ACIN1: variants seen among roughly 807,000 people sequenced by gnomAD.
ACIN1 encodes the protein apoptotic chromatin condensation inducer in the nucleus.
In ACIN1, 16 loss-of-function variants were observed where a neutral mutation model predicts 146.6. That is an observed-to-expected ratio of 0.11 (90% CI 0.07 to 0.17). The LOEUF (loss-of-function observed/expected upper bound fraction) is 0.17, where lower values mean the gene tolerates loss of function less well. Among genes scored for constraint, ACIN1 ranks in the 10% least tolerant of loss-of-function variants. The probability of loss-of-function intolerance (pLI) is 1.00; values close to 1 mark genes in which losing one functional copy is unlikely to be tolerated. For missense variants in ACIN1, 1,357 were observed against 1,609.3 expected (o/e 0.84, Z 2.68); for synonymous variants, 569 against 582.7 (o/e 0.98, Z 0.34).
At chr14:23,062,036 G>T (rs2047308079) in intron 16 of ACIN1, 132 bp downstream of exon 16, 1 of 713,088 alleles carries the variant, frequency 1.4e-6, no homozygotes, top group Non-Finnish European at 2.4e-6. Context: ...ACAATTAAAG[G>T]AACCAAAGCC....
In ACIN1 at chr14:23,062,148, C is replaced by T. The variant is rs763455987; in HGVS notation, c.3099+20G>A. On this transcript the variant is annotated intron_variant, in intron 16 of 18. Transcript: ENST00000605057. ...GGCTTCCCCTGCCCCTCCTCTCTTT[C>T]CTCTCCCTAGGTTTCTTACCTCATC... 6.2e-7 allele frequency: 1 copy of T among 1,604,640 alleles called. No homozygotes were observed. Among genetic ancestry groups the T allele is most frequent in the East Asian group, 2.2e-5 (1 of 44,834 alleles).
intron 9 of ACIN1, 38 bp downstream of exon 9, chr14:23,069,438 C>T: frequency 6.2e-7 from 1 of 1,602,406 alleles, no homozygotes; most frequent in Non-Finnish European, 8.5e-7. Flanking sequence ...TAGGTCCATT[C>T]CTGCCCACCC....
chr14:23,088,163 T>G (rs1213425533), intron 4 of ACIN1, among the ~76,000 whole-genome samples: 1 of 152,232 alleles, frequency 6.6e-6, no homozygotes. Flanking sequence ...AAATTTTTTT[T>G]TGTTTTATGT....
chr14:23,073,530 T>C, intron 8 of ACIN1, among the ~76,000 whole-genome samples: 1 of 152,070 alleles, frequency 6.6e-6, no homozygotes, highest in South Asian at 2.1e-4. Flanking sequence ...TGGTGGTGCA[T>C]GCCTGTAATC....
chr14:23,087,020 T>A (rs2048106250), intron 4 of ACIN1, among the ~76,000 whole-genome samples: 1 of 142,912 alleles, frequency 7.0e-6, no homozygotes, highest in South Asian at 2.3e-4. Flanking sequence ...AACATAGTAA[T>A]ATTAAAACAA....
chr14:23,059,626 A>C lies in ACIN1; in HGVS notation c.3526-152T>G, dbSNP rs546177926. Reference sequence around the variant, plus strand: ...AACAACTGCATCCTGTCTTTCTTAGAGCACCTCTCTCCCTCCTAGTTTCAG... The same window carrying C: ...AACAACTGCATCCTGTCTTTCTTAGCGCACCTCTCTCCCTCCTAGTTTCAG... On this transcript the variant is annotated intron_variant, in intron 18 of 18. Coordinates refer to ENST00000605057, the MANE Select transcript of ACIN1 (RefSeq NM_001386863.1). The C allele has an allele frequency of 6.6e-5, 42 of 633,884 alleles. No homozygotes were observed. In the African/African-American group the frequency reaches 6.9e-4, roughly 10 times the overall value. The allele number at this position is 633,884 out of a possible 1,614,324, so 39.3% of individuals were successfully genotyped here.
intron 4 of ACIN1, among the ~76,000 whole-genome samples, chr14:23,088,702 A>C (rs2048148672): frequency 6.6e-6 from 1 of 152,220 alleles, no homozygotes; most frequent in Non-Finnish European, 1.5e-5. Context: ...GGTTTAACAT[A>C]TGTACTAACA....
At chr14:23,062,714 AG>A (rs2047327091) in intron 14 of ACIN1, 191 bp from the exon 15 acceptor site, 2 of 739,458 alleles carry the variant, frequency 2.7e-6, no homozygotes, top group East Asian at 5.4e-5. Context: ...GTTGTATGTG[AG>A]GCCTTCTGCA....
intron 3 of ACIN1, 143 bp downstream of exon 3, chr14:23,090,379 T>C (rs1406281616): frequency 3.6e-6 from 3 of 829,812 alleles, no homozygotes; most frequent in Non-Finnish European, 5.6e-6. Context: ...AGTAAACCAC[T>C]TGGCTTCATG....
At chr14:23,073,330 G>C (rs1349210969) in intron 8 of ACIN1, among the ~76,000 whole-genome samples, 2 of 152,178 alleles carry the variant, frequency 1.3e-5, no homozygotes, top group African/African-American at 4.8e-5. Flanking sequence ...TGTCATTGTG[G>C]GTACCAAGTG....
chr14:23,071,168 A>G, intron 8 of ACIN1: 3 of 1,551,512 alleles, frequency 1.9e-6, no homozygotes, highest in Non-Finnish European at 1.7e-6. Context: ...CTCCCCCTGG[A>G]AGTGCTGTTT....
chr14:23,066,076 G>T, intron 9 of ACIN1, 68 bp from the exon 10 acceptor site: 1 of 1,303,290 alleles, frequency 7.7e-7, no homozygotes, highest in Non-Finnish European at 1.1e-6. Flanking sequence ...GGGGAAGGAG[G>T]TTAGATGGGG....
In ACIN1 at chr14:23,079,881, G is replaced by A; in HGVS notation, c.1454C>T (p.Thr485Ile). ...AGATGGCTGTTTCAGACATTCTTCAGTGATTCCTTTGGCCAGTGCTAATTC... is the reference window on the plus strand; with the variant it reads ...AGATGGCTGTTTCAGACATTCTTCAATGATTCCTTTGGCCAGTGCTAATTC... ...IEELALAKGI[T>I]EECLKQPSLE... The change falls in exon 6 of 19, where the codon ACT becomes ATT. Residue 485 changes from threonine to isoleucine, a missense_variant. Physicochemically the swap from Thr to Ile is moderately conservative, Grantham distance 89. Transcript: ENST00000605057. The A allele has an allele frequency of 6.2e-7, 1 of 1,614,206 alleles. No individual in the cohort carries two copies. Among genetic ancestry groups the A allele is most frequent in the Non-Finnish European group, 8.5e-7 (1 of 1,180,042 alleles).
In ACIN1 at chr14:23,064,337, T is replaced by C; in HGVS notation, c.2442+18A>G. On this transcript the variant is annotated intron_variant, in intron 11 of 18. Transcript: ENST00000605057. ...TTAACAGGTCTCATCCTCCCTTCCC[T>C]GGCTCCTCCCACCTCACCTTTAGTG... 1 of 1,614,146 alleles carries C rather than the reference T, an allele frequency of 6.2e-7. No individual in the cohort carries two copies. The highest frequency in any genetic ancestry group is 1.1e-5 in the South Asian group (1 of 91,088).
At chr14:23,064,914 A>T (rs988788787) in intron 10 of ACIN1, among the ~76,000 whole-genome samples, 1 of 151,948 alleles carries the variant, frequency 6.6e-6, no homozygotes, top group South Asian at 2.1e-4. Flanking sequence ...AAAAAAGAAA[A>T]GAAATCATAT....
intron 4 of ACIN1, among the ~76,000 whole-genome samples, chr14:23,082,245 TTAC>T (rs1176648071): frequency 3.9e-5 from 6 of 152,184 alleles, no homozygotes; most frequent in Admixed American, 2.6e-4. Context: ...GGATTGCCTA[TTAC>T]TACTACTTTC....
intron 13 of ACIN1, 156 bp downstream of exon 13, chr14:23,063,280 G>T: frequency 8.7e-7 from 1 of 1,147,508 alleles, no homozygotes; most frequent in Non-Finnish European, 1.2e-6. Flanking sequence ...GTCAAATCTG[G>T]CCCTCAAGTA....
In ACIN1 at chr14:23,078,821, C is replaced by G; in HGVS notation, c.2006G>C (p.Arg669Pro). 1 of 1,612,064 alleles carries G rather than the reference C, an allele frequency of 6.2e-7. No individual in the cohort carries two copies. The highest frequency in any genetic ancestry group is 2.2e-5 in the East Asian group (1 of 44,864). The change falls in exon 7 of 19, where the codon CGG (arginine) becomes CCG (proline). Residue 669 changes from arginine (R) to proline (P), a missense_variant and splice_region_variant. Transcript: ENST00000605057. ...KHVTQRLQPERGSPKKCEAEE... is the reference protein window; with the variant it reads ...KHVTQRLQPEPGSPKKCEAEE... ...TAGGGAGGGGTCACAATAGCCTACC[C>G]GCTCAGGCTGTAACCTCTGGGTCAC...
chr14:23,060,789 G>A (rs1346891056), intron 18 of ACIN1, among the ~76,000 whole-genome samples: 1 of 152,224 alleles, frequency 6.6e-6, no homozygotes, highest in African/African-American at 2.4e-5. Flanking sequence ...GGCATTAGAG[G>A]CGTGAGCCAC....
Sources: gnomAD v4.1 joint callset for allele counts (sites outside exome capture counted in the v4.1 genomes callset) on GRCh38, gnomAD v4.1.1 for gene constraint, MANE v1.5 for transcripts, NCBI Gene and HGNC (gene_info 2026-07-23, HGNC 2026-07-21) for gene names.